KCNB2: variants seen among roughly 807,000 people sequenced by gnomAD.
The protein encoded by KCNB2 is delayed rectifier potassium channel protein.
KCNB2 carries 15 observed loss-of-function variants against 61.5 expected under a neutral mutation model. The ratio of observed to expected loss-of-function variants is 0.24; its 90% CI spans 0.16 to 0.38. The LOEUF is 0.38. Among genes scored for constraint, KCNB2 ranks in the 10% least tolerant of loss-of-function variants. KCNB2 has a pLI of 1.00. For missense variants in KCNB2, 828 were observed against 1,125.2 expected (o/e 0.74, Z 3.78); for synonymous variants, 457 against 446.0 (o/e 1.02, Z -0.31).
intron 2 of KCNB2, among the ~76,000 whole-genome samples, chr8:72,715,528 C>A (rs1399639148): frequency 6.7e-6 from 1 of 149,168 alleles, no homozygotes; most frequent in Non-Finnish European, 1.5e-5. Flanking sequence ...CGCTCAACTA[C>A]ATGGAAACTG....
At chr8:72,608,524 G>A (rs1338572452) in intron 2 of KCNB2, among the ~76,000 whole-genome samples, 5 of 152,176 alleles carry the variant, frequency 3.3e-5, no homozygotes, top group Admixed American at 3.3e-4. Context: ...GATGAGGGCT[G>A]TGGAACTGGA....
intron 2 of KCNB2, among the ~76,000 whole-genome samples, chr8:72,910,896 A>C (rs1471225760): frequency 6.6e-6 from 1 of 152,230 alleles, no homozygotes; most frequent in African/African-American, 2.4e-5. Context: ...AAAGACCTTC[A>C]GGGTCTGAAT....
chr8:72,561,691 T>TTATATA (rs1172254677), intron 1 of KCNB2, among the ~76,000 whole-genome samples: 58 of 19,386 alleles, frequency 3.0e-3, no homozygotes, highest in Admixed American at 7.0e-3. Context: ...GATCTTACTT[T>TTATATA]TATATATATA....
At chr8:72,589,484 T>C (rs1031224619) in intron 2 of KCNB2, among the ~76,000 whole-genome samples, 1 of 152,180 alleles carries the variant, frequency 6.6e-6, no homozygotes, top group African/African-American at 2.4e-5. Context: ...GCAGTGTGTG[T>C]GTAGGGGGAT....
intron 2 of KCNB2, among the ~76,000 whole-genome samples, chr8:72,590,760 G>T (rs1382658683): frequency 1.3e-5 from 2 of 152,128 alleles, no homozygotes; most frequent in Non-Finnish European, 2.9e-5. Context: ...CTTAGAAATG[G>T]CACGTTCCCT....
chr8:72,734,691 T>C (rs1807808977), intron 2 of KCNB2, among the ~76,000 whole-genome samples: 1 of 152,200 alleles, frequency 6.6e-6, no homozygotes. Flanking sequence ...CCAAGTAGAC[T>C]GAACACTACG....
At chr8:72,614,080 C>T (rs947685269) in intron 2 of KCNB2, among the ~76,000 whole-genome samples, 2 of 152,160 alleles carry the variant, frequency 1.3e-5, no homozygotes, top group Admixed American at 1.3e-4. Context: ...TAGCTAGTCA[C>T]ACATTGATGT....
intron 2 of KCNB2, among the ~76,000 whole-genome samples, chr8:72,862,837 G>T (rs148571143): frequency 6.6e-6 from 1 of 152,256 alleles, no homozygotes; most frequent in Non-Finnish European, 1.5e-5. Flanking sequence ...TGCTAGGAGT[G>T]GTTCTGGCAG....
At chr8:72,734,942 T>C (rs1032957630) in intron 2 of KCNB2, among the ~76,000 whole-genome samples, 10 of 152,190 alleles carry the variant, frequency 6.6e-5, no homozygotes, top group Admixed American at 1.3e-4. Context: ...GAAGTGCGTT[T>C]TCATTACTAT....
At chr8:72,619,959 A>G (rs1012305579) in intron 2 of KCNB2, among the ~76,000 whole-genome samples, 3 of 152,222 alleles carry the variant, frequency 2.0e-5, no homozygotes, top group Admixed American at 6.5e-5. Flanking sequence ...AATATGTGCT[A>G]TAAGTGTGAA....
intron 2 of KCNB2, among the ~76,000 whole-genome samples, chr8:72,722,461 C>G (rs905660468): frequency 2.0e-5 from 3 of 152,234 alleles, no homozygotes; most frequent in Non-Finnish European, 4.4e-5. Flanking sequence ...GTGCTCCCCT[C>G]TAGCCCAGAG....
intron 2 of KCNB2, among the ~76,000 whole-genome samples, chr8:72,882,883 C>G (rs892531075): frequency 1.3e-5 from 2 of 152,136 alleles, no homozygotes; most frequent in African/African-American, 4.8e-5. Context: ...TTTCTGGCTC[C>G]CTCTGAATTG....
chr8:72,674,215 G>T (rs898377751), intron 2 of KCNB2, among the ~76,000 whole-genome samples: 1 of 152,298 alleles, frequency 6.6e-6, no homozygotes, highest in Admixed American at 6.5e-5. Context: ...ACCCTTAATT[G>T]TCTGTTCTGT....
chr8:72,924,963 C>T (rs1383759366), intron 2 of KCNB2, among the ~76,000 whole-genome samples: 1 of 152,202 alleles, frequency 6.6e-6, no homozygotes, highest in African/African-American at 2.4e-5. Flanking sequence ...CTGACTTTCC[C>T]TTGGCAGAGC....
At chr8:72,690,107 A>G (rs1288077002) in intron 2 of KCNB2, among the ~76,000 whole-genome samples, 4 of 152,114 alleles carry the variant, frequency 2.6e-5, no homozygotes, top group African/African-American at 9.7e-5. Context: ...TATAAGAAAT[A>G]TATTTTTTTC....
chr8:72,609,641 G>A (rs566035599), intron 2 of KCNB2, among the ~76,000 whole-genome samples: 1 of 152,048 alleles, frequency 6.6e-6, no homozygotes, highest in African/African-American at 2.4e-5. Flanking sequence ...ATCAGAATCT[G>A]GTATCAGGCA....
chr8:72,642,215 A>C lies in KCNB2; in HGVS notation c.579+73902A>C, dbSNP rs531729136. On this transcript the variant is annotated intron_variant, in intron 2 of 2. Transcript: ENST00000523207. ...AGCTGATTTTAGAAACTTAATGTAA[A>C]AGGAGAAAATATAAAATATCTCATT... Among the ~76,000 whole-genome samples, 4 of 152,290 alleles carry C rather than the reference A, an allele frequency of 2.6e-5. No homozygotes were observed. In the East Asian group the frequency reaches 7.7e-4, roughly 29 times the overall value.
At chr8:72,867,054 A>G (rs1050255599) in intron 2 of KCNB2, among the ~76,000 whole-genome samples, 1 of 152,186 alleles carries the variant, frequency 6.6e-6, no homozygotes, top group East Asian at 1.9e-4. Flanking sequence ...ATCCCAAACT[A>G]TATCTTGCAC....
intron 2 of KCNB2, among the ~76,000 whole-genome samples, chr8:72,641,215 T>C (rs1806049597): frequency 6.6e-6 from 1 of 152,110 alleles, no homozygotes; most frequent in African/African-American, 2.4e-5. Context: ...ATTATTTTGG[T>C]GTTAATGGTT....
Sources: allele counts gnomAD v4.1 joint callset (sites outside exome capture counted in the v4.1 genomes callset), GRCh38; gene constraint gnomAD v4.1.1; transcripts MANE v1.5; gene names NCBI Gene and HGNC (gene_info 2026-07-23, HGNC 2026-07-21).